The following THSD7B variants were observed in gnomAD, a reference collection of about 807,000 sequenced individuals.
THSD7B encodes the protein thrombospondin type 1 domain containing 7B, also known as thrombospondin type-1 domain-containing protein 7B.
THSD7B carries 138 observed loss-of-function variants against 213.6 expected under a neutral mutation model. The ratio of observed to expected loss-of-function variants is 0.65; its 90% CI spans 0.56 to 0.74. The LOEUF (loss-of-function observed/expected upper bound fraction) is 0.74. THSD7B is among the 30% of genes least tolerant of loss of function. The probability of loss-of-function intolerance (pLI) is 0.00; values close to 1 mark genes in which losing one functional copy is unlikely to be tolerated. For synonymous variants in THSD7B, 742 were observed against 687.0 expected (o/e 1.08, Z -1.25); for missense variants, 1,931 against 1,991.5 (o/e 0.97, Z 0.58).
chr2:137,017,039 A>G (rs995858010), intron 2 of THSD7B, among the ~76,000 whole-genome samples: 2 of 152,172 alleles, frequency 1.3e-5, no homozygotes, highest in African/African-American at 2.4e-5. Flanking sequence ...AATAAACAAT[A>G]TAATATTCAG....
At chr2:137,381,489 G>A (rs1443046274) in intron 12 of THSD7B, among the ~76,000 whole-genome samples, 6 of 152,178 alleles carry the variant, frequency 3.9e-5, no homozygotes, top group Admixed American at 3.9e-4. Flanking sequence ...CAGGTGGGGT[G>A]CCTAGAGGCC....
chr2:137,506,016 T>C (rs2105144279), intron 15 of THSD7B, among the ~76,000 whole-genome samples: 1 of 152,272 alleles, frequency 6.6e-6, no homozygotes, highest in East Asian at 1.9e-4. Context: ...AAGGAGGTAG[T>C]TGAGGTGTGG....
intron 9 of THSD7B, among the ~76,000 whole-genome samples, chr2:137,238,594 C>G (rs986200327): frequency 3.3e-5 from 4 of 122,726 alleles, no homozygotes; most frequent in African/African-American, 1.2e-4. Flanking sequence ...TCGCCCAGGC[C>G]GGACTGCGGA....
chr2:137,081,069 C>G (rs1262353814), intron 3 of THSD7B, among the ~76,000 whole-genome samples: 3 of 152,022 alleles, frequency 2.0e-5, no homozygotes, highest in African/African-American at 7.2e-5. Flanking sequence ...AGTTTGTTGC[C>G]AGTTTTAATT....
intron 1 of THSD7B, among the ~76,000 whole-genome samples, chr2:136,843,751 T>C (rs1421297458): frequency 2.0e-5 from 3 of 152,308 alleles, no homozygotes; most frequent in Admixed American, 1.3e-4. Context: ...TGTTTCTCTG[T>C]ACTGAGTAGG....
In THSD7B at chr2:137,656,910, A is replaced by G. The variant is rs1558873660; in HGVS notation, c.4220A>G (p.Gln1407Arg). 6.2e-7 allele frequency: 1 copy of G among 1,614,044 alleles called. No homozygotes were observed. The highest frequency in any genetic ancestry group is 8.5e-7 in the Non-Finnish European group (1 of 1,179,896). Residue 1407 changes from glutamine (Q) to arginine (R), a missense_variant, in exon 23 of 28, where the codon CAG becomes CGG. Transcript: ENST00000409968. ...RQSRSRTFIIQSFENQDSCPQ... is the reference protein window; with the variant it reads ...RQSRSRTFIIRSFENQDSCPQ... ...TCTAGATCAAGGACTTTTATAATTC[A>G]GTCTTTTGAGAACCAAGACAGCTGC... is the stretch of plus-strand genomic sequence containing the variant.
intron 5 of THSD7B, among the ~76,000 whole-genome samples, chr2:137,134,349 G>A (rs1573844504): frequency 2.0e-5 from 3 of 152,194 alleles, no homozygotes; most frequent in East Asian, 3.9e-4. Flanking sequence ...TAAGCCTTTA[G>A]CACAGTTGAT....
At chr2:137,081,079 T>A (rs1453701373) in intron 3 of THSD7B, among the ~76,000 whole-genome samples, 1 of 152,132 alleles carries the variant, frequency 6.6e-6, no homozygotes, top group Non-Finnish European at 1.5e-5. Flanking sequence ...CAGTTTTAAT[T>A]TTTTTATTTT....
chr2:137,616,145 A>T lies in THSD7B; in HGVS notation c.3424-30A>T, dbSNP rs537582322. 1.9e-6 allele frequency: 3 copies of T among 1,604,674 alleles called. No individual in the cohort carries two copies. In the East Asian group the frequency reaches 6.7e-5, roughly 36 times the overall value. On this transcript the variant is annotated intron_variant, in intron 17 of 27. Coordinates refer to ENST00000409968, the MANE Select transcript of THSD7B (RefSeq NM_001316349.2). ...ATAATTTATCAAATAACTTGCCCAC[A>T]GTCAACTTTTCCTACTCTGATTTTA... is the stretch of plus-strand genomic sequence containing the variant.
chr2:137,265,960 A>G (rs749046851), intron 10 of THSD7B, among the ~76,000 whole-genome samples: 2 of 152,198 alleles, frequency 1.3e-5, no homozygotes, highest in Admixed American at 6.5e-5. Context: ...ATTGCCTTGC[A>G]ATTGTAGTTT....
intron 17 of THSD7B, among the ~76,000 whole-genome samples, chr2:137,581,773 A>T (rs1384584352): frequency 5.7e-5 from 6 of 105,890 alleles, no homozygotes; most frequent in African/African-American, 1.0e-4. Context: ...AAAAAAAATA[A>T]AAAAAAAAAA....
intron 12 of THSD7B, among the ~76,000 whole-genome samples, chr2:137,404,052 G>A (rs955299996): frequency 6.6e-6 from 1 of 152,056 alleles, no homozygotes. Context: ...CCAAAATATT[G>A]TGTATTCATT....
chr2:137,233,152 C>T lies in THSD7B; in HGVS notation c.2150+19C>T, dbSNP rs1487370059. 1 of 1,593,304 alleles carries T rather than the reference C, an allele frequency of 6.3e-7. No individual in the cohort carries two copies. The highest frequency in any genetic ancestry group is 8.6e-7 in the Non-Finnish European group (1 of 1,166,626). On this transcript the variant is annotated intron_variant, in intron 9 of 27. Coordinates refer to ENST00000409968, the MANE Select transcript of THSD7B (RefSeq NM_001316349.2). ...CCAAAAGGTATTTATTAGGCTGTTA[C>T]TGAAAATGCATTTGCTTATTTCATG...
At chr2:136,822,788 C>T (rs2104939276) in intron 1 of THSD7B, among the ~76,000 whole-genome samples, 2 of 152,314 alleles carry the variant, frequency 1.3e-5, no homozygotes, top group East Asian at 3.9e-4. Flanking sequence ...GTCCTACCTG[C>T]ATTCATCATG....
chr2:136,870,170 T>C (rs1304207609), intron 1 of THSD7B, among the ~76,000 whole-genome samples: 2 of 152,206 alleles, frequency 1.3e-5, no homozygotes, highest in Non-Finnish European at 2.9e-5. Flanking sequence ...TGTGTGTTTG[T>C]ATGTATGCAT....
chr2:137,329,994 G>A (rs1357278123), intron 12 of THSD7B, among the ~76,000 whole-genome samples: 1 of 152,168 alleles, frequency 6.6e-6, no homozygotes, highest in African/African-American at 2.4e-5. Context: ...GCTGCTCCAG[G>A]CATGGCTAAA....
Position 136,870,102 on chromosome 2 carries a change from G to T in THSD7B, c.-35-12042G>T, listed in dbSNP as rs1021225763. Among the ~76,000 whole-genome samples the T allele has an allele frequency of 2.0e-5, 3 of 148,510 alleles. No homozygotes were observed. The South Asian group carries it at 6.4e-4, about 32-fold the overall frequency. ...AAAAAAAAAAAAAGTGTCAGCATTT[G>T]TGCCTGTATTTTAGGTGGCAGCAGA... On this transcript the variant is annotated intron_variant, in intron 1 of 27. Coordinates refer to ENST00000409968, the MANE Select transcript of THSD7B (RefSeq NM_001316349.2).
chr2:137,538,267 A>T (rs1319131409), intron 15 of THSD7B, among the ~76,000 whole-genome samples: 2 of 151,644 alleles, frequency 1.3e-5, no homozygotes, highest in African/African-American at 4.8e-5. Context: ...CTCTATTTCC[A>T]CACAATCATA....
At chr2:137,282,498 G>A (rs1366961699) in intron 12 of THSD7B, among the ~76,000 whole-genome samples, 1 of 152,118 alleles carries the variant, frequency 6.6e-6, no homozygotes, top group Middle Eastern at 3.2e-3. Context: ...GTCCTGAATG[G>A]TATTGCCTAG....
Sources: allele counts gnomAD v4.1 joint callset (sites outside exome capture counted in the v4.1 genomes callset), GRCh38; gene constraint gnomAD v4.1.1; transcripts MANE v1.5; gene names NCBI Gene and HGNC (gene_info 2026-07-23, HGNC 2026-07-21).